GRIPAP1: variants seen among roughly 807,000 people sequenced by gnomAD.
GRIPAP1 encodes the protein GRIP1-associated protein 1.
Under a neutral mutation model 84.1 loss-of-function variants are expected in GRIPAP1, and 14 were observed. The observed-to-expected ratio is 0.17, with a 90% confidence interval of 0.11 to 0.26. GRIPAP1 has a LOEUF of 0.26. GRIPAP1 is among the 10% of genes least tolerant of loss of function. The pLI is 1.00. For synonymous variants in GRIPAP1, 261 were observed against 256.8 expected (o/e 1.02, Z -0.15); for missense variants, 518 against 674.2 (o/e 0.77, Z 2.57).
chrX:48,994,545 A>G lies in GRIPAP1; in HGVS notation c.307-967T>C, dbSNP rs184708933. Among the ~76,000 whole-genome samples the G allele has an allele frequency of 2.4e-4, 27 of 111,516 alleles. No individual in the cohort carries two copies. The Admixed American group carries it at 2.5e-3, about 10-fold the overall frequency. On this transcript the variant is annotated intron_variant, in intron 5 of 25. Coordinates refer to ENST00000376423, the MANE Select transcript of GRIPAP1 (RefSeq NM_020137.5). Reference sequence around the variant, plus strand: ...GGCCTGCTTGCAATATTTTCTACCCAGAACACCAATCCTCTCATCCAGTTC... The same window carrying G: ...GGCCTGCTTGCAATATTTTCTACCCGGAACACCAATCCTCTCATCCAGTTC...
chrX:48,999,794 C>T (rs2064567465), intron 1 of GRIPAP1, among the ~76,000 whole-genome samples: 1 of 110,981 alleles, frequency 9.0e-6, no homozygotes, highest in South Asian at 3.8e-4. Context: ...CAGGGTCTTG[C>T]TTGTGTGAGT....
At chrX:48,975,082 GACCC>G in intron 25 of GRIPAP1, 69 bp downstream of exon 25, 1 of 1,041,410 alleles carries the variant, frequency 9.6e-7, no homozygotes. Flanking sequence ...ACTGGCAGAT[GACCC>G]AGGGGCTATG....
chrX:48,985,489 C>CT, intron 13 of GRIPAP1, 87 bp from the exon 14 acceptor site: 1 of 797,394 alleles, frequency 1.3e-6, no homozygotes, highest in Non-Finnish European at 1.9e-6. Flanking sequence ...TCCAGGGAAA[C>CT]AGGGAGGGAG....
At chrX:48,986,557 A>AT (rs1369387859) in intron 13 of GRIPAP1, among the ~76,000 whole-genome samples, 4 of 106,116 alleles carry the variant, frequency 3.8e-5, no homozygotes, top group African/African-American at 1.0e-4. Context: ...ATGCCCAGCT[A>AT]TTTTTTTTTG....
intron 13 of GRIPAP1, among the ~76,000 whole-genome samples, chrX:48,986,415 G>A (rs1166323531): frequency 9.1e-6 from 1 of 109,929 alleles, no homozygotes; most frequent in African/African-American, 3.3e-5. Flanking sequence ...TTTTTGAGAT[G>A]GAGTCTCACT....
intron 13 of GRIPAP1, among the ~76,000 whole-genome samples, chrX:48,987,273 C>T (rs1317348573): frequency 3.8e-5 from 4 of 104,978 alleles, no homozygotes; most frequent in African/African-American, 1.4e-4. Context: ...CTCAGCCTCC[C>T]GAGTAGCTGG....
chrX:48,981,356 G>A, intron 20 of GRIPAP1, 42 bp from the exon 21 acceptor site: 1 of 1,196,050 alleles, frequency 8.4e-7, no homozygotes, highest in Non-Finnish European at 1.1e-6. Flanking sequence ...GGCCCAGTGG[G>A]CCCATAGGAG....
At chrX:48,990,046 A>C in intron 8 of GRIPAP1, 43 bp from the exon 9 acceptor site, 5 of 1,023,916 alleles carry the variant, frequency 4.9e-6, no homozygotes, top group Non-Finnish European at 6.7e-6. Flanking sequence ...TGAGAATAAT[A>C]TAAAGACAAA....
In GRIPAP1 at chrX:48,974,210, G is replaced by A. The variant is rs781824440; in HGVS notation, c.2509C>T (p.Pro837Ser). The A allele has an allele frequency of 8.3e-7, 1 of 1,202,292 alleles. No individual in the cohort carries two copies. The highest frequency in any genetic ancestry group is 1.8e-5 in the South Asian group (1 of 56,604). The change falls in exon 26 of 26, where the codon CCA (proline) becomes TCA (serine). Residue 837 changes from proline (P) to serine (S), a missense_variant. Transcript: ENST00000376423. ...CVGPPDPDLEPGETS is the reference protein window; with the variant it reads ...CVGPPDPDLESGETS ...GCAGGTCTTTAGCTGGTTTCTCCTGGCTCTAGGTCTGGGTCAGGAGGCCCC... is the reference window on the plus strand; with the variant it reads ...GCAGGTCTTTAGCTGGTTTCTCCTGACTCTAGGTCTGGGTCAGGAGGCCCC...
intron 24 of GRIPAP1, 44 bp downstream of exon 24, chrX:48,975,974 G>A (rs781901852): frequency 1.2e-5 from 13 of 1,073,467 alleles, no homozygotes; most frequent in South Asian, 3.8e-5. Flanking sequence ...GGAGGGCCAG[G>A]TGAAGGCTGG....
intron 3 of GRIPAP1, among the ~76,000 whole-genome samples, chrX:48,998,489 C>T (rs2064559643): frequency 9.0e-6 from 1 of 111,204 alleles, no homozygotes; most frequent in Admixed American, 9.6e-5. Context: ...GGTATTTAAC[C>T]ATTTATGGGC....
rs369687653 is a variant in GRIPAP1 at position 48,981,810 on chromosome X, G to A, written c.1662C>T (p.His554=). The A allele has an allele frequency of 9.4e-5, 110 of 1,174,366 alleles. No homozygotes were observed. The highest frequency in any genetic ancestry group is 5.6e-4 in the East Asian group (18 of 31,986). Residue 554 remains histidine (H), a synonymous_variant, in exon 18 of 26, where the codon CAC becomes CAT. Coordinates refer to ENST00000376423, the MANE Select transcript of GRIPAP1 (RefSeq NM_020137.5). ...CGAGAGGCACCTTCAGCTCGGCAGC[G>A]TGCTGCTCCCGACACTGCTTGAGGG... ...EEALKQCREQ[H]AAELKGKEEE...
intron 5 of GRIPAP1, 152 bp from the exon 6 acceptor site, chrX:48,993,730 T>C (rs990862216): frequency 1.3e-5 from 5 of 374,343 alleles, no homozygotes; most frequent in African/African-American, 5.3e-5. Context: ...AATAAGGACA[T>C]TGAGGCACAG....
chrX:48,979,650 C>T (rs945962009), intron 21 of GRIPAP1, among the ~76,000 whole-genome samples: 34 of 106,459 alleles, frequency 3.2e-4, no homozygotes, highest in Admixed American at 3.1e-4. Flanking sequence ...TCAGTCTTGT[C>T]GCCCAGGCTG....
intron 16 of GRIPAP1, 44 bp from the exon 17 acceptor site, chrX:48,983,136 G>A (rs782297424): frequency 4.5e-6 from 5 of 1,117,073 alleles, no homozygotes; most frequent in Non-Finnish European, 6.2e-6. Context: ...GCAGAGGAGC[G>A]GGCACCTGAT....
intron 22 of GRIPAP1, 30 bp downstream of exon 22, chrX:48,978,275 T>C: frequency 8.3e-7 from 1 of 1,205,686 alleles, no homozygotes; most frequent in Non-Finnish European, 1.1e-6. Context: ...TGAGAGAAGC[T>C]GGAGCTGTAG....
intron 6 of GRIPAP1, among the ~76,000 whole-genome samples, chrX:48,992,941 C>T (rs1338638867): frequency 9.0e-6 from 1 of 111,086 alleles, no homozygotes; most frequent in Non-Finnish European, 1.9e-5. Flanking sequence ...CTGCCTCAGC[C>T]TCCAGAGTAG....
intron 8 of GRIPAP1, among the ~76,000 whole-genome samples, chrX:48,990,224 G>A (rs1016840165): frequency 3.6e-5 from 4 of 111,450 alleles, no homozygotes; most frequent in East Asian, 2.8e-4. Context: ...GTTGCTCAGC[G>A]GGTCAGCAAC....
chrX:48,984,750 T>C (rs1602471522), intron 14 of GRIPAP1, among the ~76,000 whole-genome samples: 1 of 81,212 alleles, frequency 1.2e-5, no homozygotes, highest in African/African-American at 4.8e-5. Context: ...GAGCCGGGCG[T>C]GGTGGCTCAC....
Sources: gnomAD v4.1 joint callset for allele counts (sites outside exome capture counted in the v4.1 genomes callset) on GRCh38, gnomAD v4.1.1 for gene constraint, MANE v1.5 for transcripts, NCBI Gene and HGNC (gene_info 2026-07-23, HGNC 2026-07-21) for gene names.